The following PRDM4 variants were observed in gnomAD, a reference collection of about 807,000 sequenced individuals.
The protein encoded by PRDM4 is PR domain zinc finger protein 4.
In PRDM4, 38 loss-of-function variants were observed where a neutral mutation model predicts 62.3. The ratio of observed to expected loss-of-function variants is 0.61; its 90% CI spans 0.47 to 0.80. The LOEUF is 0.80. Among genes scored for constraint, PRDM4 ranks in the 30% least tolerant of loss-of-function variants. The probability of loss-of-function intolerance (pLI) is 0.00; values close to 1 mark genes in which losing one functional copy is unlikely to be tolerated. For missense variants in PRDM4, 858 were observed against 997.1 expected (o/e 0.86, Z 1.88); for synonymous variants, 339 against 348.2 (o/e 0.97, Z 0.30).
At chr12:107,752,520 C>G (rs995930075) in intron 4 of PRDM4, among the ~76,000 whole-genome samples, 15 of 134,004 alleles carry the variant, frequency 1.1e-4, no homozygotes, top group Admixed American at 2.2e-4. Flanking sequence ...AATTTGCTCT[C>G]CTAATTATTA....
At chr12:107,751,317 T>C in intron 5 of PRDM4, 98 bp downstream of exon 5, 1 of 1,265,910 alleles carries the variant, frequency 7.9e-7, no homozygotes, top group Non-Finnish European at 1.1e-6. Flanking sequence ...CTAGTTGCTT[T>C]CTATACTCCC....
chr12:107,751,440 C>G lies in PRDM4; in HGVS notation c.1101G>C (p.Glu367Asp). 1 of 1,606,686 alleles carries G rather than the reference C, an allele frequency of 6.2e-7. No individual in the cohort carries two copies. The highest frequency in any genetic ancestry group is 2.2e-5 in the East Asian group (1 of 44,612). Residue 367 changes from glutamate to aspartate, a missense_variant, in exon 5 of 12, where the codon GAG becomes GAC. Coordinates refer to ENST00000228437, the MANE Select transcript of PRDM4 (RefSeq NM_012406.4). ...AAATTGTAAACAAGGTTGCCATGTTCTCCTTGTTTGAATTGGAGTCTTCCA... is the reference window on the plus strand; with the variant it reads ...AAATTGTAAACAAGGTTGCCATGTTGTCCTTGTTTGAATTGGAGTCTTCCA... ...LQMEDSNSNK[E>D]NMATLFTIWC...
At chr12:107,739,080 C>G (rs895785937) in intron 11 of PRDM4, 2 of 257,728 alleles carry the variant, frequency 7.8e-6, no homozygotes, top group Non-Finnish European at 7.5e-6. Flanking sequence ...ACACTATCGT[C>G]TAACTATAAG....
intron 9 of PRDM4, among the ~76,000 whole-genome samples, chr12:107,741,709 A>C (rs1890525180): frequency 6.6e-6 from 1 of 152,208 alleles, no homozygotes; most frequent in South Asian, 2.1e-4. Flanking sequence ...GTGAGACCTT[A>C]TCTCTAAATA....
chr12:107,759,125 T>A lies in PRDM4; in HGVS notation c.11+1380A>T, dbSNP rs143249300. Among the ~76,000 whole-genome samples, 10 of 152,190 alleles carry A rather than the reference T, an allele frequency of 6.6e-5. 1 individual carries two copies. Among genetic ancestry groups the A allele is most frequent in the Middle Eastern group, 3.4e-3 (1 of 292 alleles). On this transcript the variant is annotated intron_variant, in intron 2 of 11. Coordinates refer to ENST00000228437, the MANE Select transcript of PRDM4 (RefSeq NM_012406.4). ...TCTCTACTAAACATTTTTTTTAACTTAGCCAGGCATGGTGGTTCGTGCTTG... is the reference window on the plus strand; with the variant it reads ...TCTCTACTAAACATTTTTTTTAACTAAGCCAGGCATGGTGGTTCGTGCTTG...
chr12:107,744,572 T>C lies in PRDM4; in HGVS notation c.1366A>G (p.Thr456Ala). The change falls in exon 7 of 12, where the codon ACA becomes GCA. Residue 456 changes from threonine (T) to alanine (A), a missense_variant. Around this residue, in one of 3 missense-constraint regions of PRDM4, gnomAD observed 355 missense variants for 432.6 expected, o/e 0.82. Coordinates refer to ENST00000228437, the MANE Select transcript of PRDM4 (RefSeq NM_012406.4). ...CAGATATGGTTAACTGCCTTGTCTG[T>C]CCATTCTGCTACTTCCATGGAGTGA... ...QSHSMEVAEW[T>A]DKAVNHIWKI... The C allele has an allele frequency of 6.2e-7, 1 of 1,613,788 alleles. No homozygotes were observed. The highest frequency in any genetic ancestry group is 8.5e-7 in the Non-Finnish European group (1 of 1,179,752).
intron 10 of PRDM4, among the ~76,000 whole-genome samples, chr12:107,740,394 G>A (rs1247937909): frequency 6.6e-6 from 1 of 152,104 alleles, no homozygotes; most frequent in Non-Finnish European, 1.5e-5. Context: ...GGCTGAGGTG[G>A]GAGGATCACC....
chr12:107,756,785 T>C (rs1238717910), intron 3 of PRDM4, 47 bp downstream of exon 3: 2 of 1,606,576 alleles, frequency 1.2e-6, no homozygotes, highest in Admixed American at 1.7e-5. Flanking sequence ...TTAGAATTGA[T>C]AACAGAGTTA....
chr12:107,736,646 A>G (rs1890338284), intron 11 of PRDM4: 1 of 152,264 alleles, frequency 6.6e-6, no homozygotes. Context: ...GCACAATCTG[A>G]CTTATATTTG....
intron 3 of PRDM4, among the ~76,000 whole-genome samples, 174 bp from the exon 4 acceptor site, chr12:107,754,283 T>C (rs536739161): frequency 1.3e-5 from 2 of 152,230 alleles, no homozygotes; most frequent in Admixed American, 6.5e-5. Flanking sequence ...CTAAAGAAAG[T>C]AGTCTTAGTC....
chr12:107,739,733 G>T, intron 10 of PRDM4, 182 bp from the exon 11 acceptor site: 1 of 485,458 alleles, frequency 2.1e-6, no homozygotes, highest in Non-Finnish European at 3.6e-6. Flanking sequence ...TTTATATTCT[G>T]CAACTAAAGC....
rs541397373 is a variant in PRDM4 at position 107,754,493 on chromosome 12, C to T, written c.146-384G>A. On this transcript the variant is annotated intron_variant, in intron 3 of 11. Coordinates refer to ENST00000228437, the MANE Select transcript of PRDM4 (RefSeq NM_012406.4). The stretch of plus-strand genomic sequence containing the variant: ...GGCCTCCTGGGTTCAAGCAATTCTC[C>T]TACCTCAGCCTCCTGAGTAGCTGGG... Among the ~76,000 whole-genome samples, 10 of 152,240 alleles carry T rather than the reference C, an allele frequency of 6.6e-5. No homozygotes were observed. In the South Asian group the frequency reaches 1.2e-3, roughly 19 times the overall value.
In PRDM4 at chr12:107,751,965, G is replaced by A. The variant is rs1332041784; in HGVS notation, c.576C>T (p.Ile192=). Residue 192 remains isoleucine, a synonymous_variant, in exon 5 of 12, where the codon ATC becomes ATT. Transcript: ENST00000228437. ...TAACCCTAGAAACGTTCTCCATAGT[G>A]ATTGCTGTGTCCAAGGCCACCTCAT... ...DGHEVALDTA[I]TMENVSRVTS... 2 of 1,614,250 alleles carry A rather than the reference G, an allele frequency of 1.2e-6. No individual in the cohort carries two copies. Among genetic ancestry groups the A allele is most frequent in the Admixed American group, 3.3e-5 (2 of 60,026 alleles).
intron 6 of PRDM4, among the ~76,000 whole-genome samples, 185 bp from the exon 7 acceptor site, chr12:107,744,846 G>A (rs183253096): frequency 6.6e-6 from 1 of 152,184 alleles, no homozygotes; most frequent in East Asian, 1.9e-4. Context: ...GATCACCTGA[G>A]GTCAGGAGTT....
intron 2 of PRDM4, among the ~76,000 whole-genome samples, chr12:107,759,021 C>T (rs935260860): frequency 1.3e-5 from 2 of 152,188 alleles, no homozygotes; most frequent in East Asian, 3.8e-4. Context: ...TGTAATCCCA[C>T]ACTTTGGGAG....
intron 11 of PRDM4, 67 bp downstream of exon 11, chr12:107,739,316 A>C (rs981741471): frequency 3.9e-6 from 6 of 1,534,634 alleles, no homozygotes; most frequent in African/African-American, 1.4e-5. Context: ...TTCAATCAGC[A>C]GGTGGGCTGC....
chr12:107,742,469 G>C, intron 8 of PRDM4, 121 bp from the exon 9 acceptor site: 1 of 1,182,132 alleles, frequency 8.5e-7, no homozygotes, highest in Non-Finnish European at 1.2e-6. Context: ...ATTTCCTCTG[G>C]AATGTTTTTG....
rs1184384749 is a variant in PRDM4, at chr12:107,744,628, GT to G, written c.1309del (p.Thr437LeufsTer6). 1 of 1,613,752 alleles carries G rather than the reference GT, an allele frequency of 6.2e-7. No homozygotes were observed. Among genetic ancestry groups the G allele is most frequent in the Non-Finnish European group, 8.5e-7 (1 of 1,179,774 alleles). On this transcript the variant is annotated frameshift_variant, in exon 7 of 12. Coordinates refer to ENST00000228437, the MANE Select transcript of PRDM4 (RefSeq NM_012406.4). LOFTEE classifies it high-confidence loss of function. ...CTGGCCAATTAGAGGTCCAAAGCAA[GT>G]CCGCACAGGAATGGTTTCTCCAGTC... ...VWTGETIPVR[T>X]CFGPLIGQQS...
intron 3 of PRDM4, among the ~76,000 whole-genome samples, chr12:107,756,056 C>T (rs2136333838): frequency 6.6e-6 from 1 of 152,054 alleles, no homozygotes; most frequent in African/African-American, 2.4e-5. Flanking sequence ...TGCCATTGCA[C>T]TCCACCTTGG....
Sources: gnomAD v4.1 joint callset for allele counts (sites outside exome capture counted in the v4.1 genomes callset) on GRCh38, gnomAD v4.1.1 for gene constraint, gnomAD v4.1.1 regional missense constraint, MANE v1.5 for transcripts, NCBI Gene and HGNC (gene_info 2026-07-23, HGNC 2026-07-21) for gene names.